PCDH15: variants seen among roughly 807,000 people sequenced by gnomAD.
The protein encoded by PCDH15 is protocadherin related 15.
A neutral mutation model predicts 178.5 loss-of-function variants in PCDH15; 129 were observed. The observed-to-expected ratio is 0.72, with a 90% CI of 0.63 to 0.84. The LOEUF (loss-of-function observed/expected upper bound fraction) is 0.84. PCDH15 is among the 40% of genes least tolerant of loss of function. PCDH15 has a pLI of 0.00. For synonymous variants in PCDH15, 800 were observed against 732.0 expected (o/e 1.09, Z -1.50); for missense variants, 2,230 against 2,099.9 (o/e 1.06, Z -1.21).
intron 3 of PCDH15, among the ~76,000 whole-genome samples, chr10:54,396,187 A>G (rs1390042049): frequency 6.6e-6 from 1 of 152,202 alleles, no homozygotes; most frequent in Non-Finnish European, 1.5e-5. Context: ...AGGAATCTAC[A>G]TTAACAAGCT....
At chr10:55,578,207 C>CTTATT (rs1190124285) in intron 2 of PCDH15, among the ~76,000 whole-genome samples, 4 of 151,382 alleles carry the variant, frequency 2.6e-5, no homozygotes, top group South Asian at 2.1e-4. Flanking sequence ...TTTTATTTAT[C>CTTATT]TTATTTTATT....
chr10:55,196,381 G>A (rs1470135240), intron 1 of PCDH15, among the ~76,000 whole-genome samples: 1 of 151,994 alleles, frequency 6.6e-6, no homozygotes. Context: ...TTTATATTCT[G>A]AACTCATCCT....
intron 2 of PCDH15, among the ~76,000 whole-genome samples, chr10:54,962,045 G>A (rs1451280195): frequency 6.6e-6 from 1 of 152,204 alleles, no homozygotes; most frequent in South Asian, 2.1e-4. Context: ...TCTCCACTTC[G>A]CTTACCCTCC....
intron 37 of PCDH15, chr10:53,808,495 TTTACTC>T (rs2075740488): frequency 5.0e-6 from 7 of 1,389,058 alleles, no homozygotes; most frequent in Non-Finnish European, 2.8e-6. Context: ...ATTAGTCAGT[TTTACTC>T]TAATACAGTC....
intron 2 of PCDH15, among the ~76,000 whole-genome samples, chr10:55,055,937 A>T (rs1591864022): frequency 6.6e-6 from 1 of 152,180 alleles, no homozygotes; most frequent in East Asian, 1.9e-4. Flanking sequence ...TAACTTAAAG[A>T]TAAGGAAAAT....
At position 54,046,285 on chromosome 10, in the gene PCDH15, CAT is replaced by C. The variant is rs2093653888; in HGVS notation, c.2220+20470_2220+20471del. ...CATTTCCAACAAAATTGAATAGACACATGTTCATAACATAGAGAAACTCAGGC... is the reference window on the plus strand; with the variant it reads ...CATTTCCAACAAAATTGAATAGACACGTTCATAACATAGAGAAACTCAGGC... On this transcript the variant is annotated intron_variant, in intron 18 of 37. Coordinates refer to ENST00000644397, the MANE Select transcript of PCDH15 (RefSeq NM_001384140.1). Among the ~76,000 whole-genome samples the C allele has an allele frequency of 9.2e-5, 14 of 152,264 alleles. 2 individuals are homozygous for C. In the South Asian group the frequency reaches 2.9e-3, roughly 32 times the overall value.
intron 2 of PCDH15, among the ~76,000 whole-genome samples, chr10:55,593,612 T>C (rs1564471428): frequency 6.6e-6 from 1 of 151,884 alleles, no homozygotes; most frequent in East Asian, 1.9e-4. Context: ...ACCTAAAATA[T>C]ATTAAGATTA....
chr10:55,242,464 T>C (rs904820468), intron 1 of PCDH15, among the ~76,000 whole-genome samples: 7 of 152,182 alleles, frequency 4.6e-5, no homozygotes, highest in African/African-American at 1.4e-4. Flanking sequence ...CATAAGAAAA[T>C]AGCCTTTTCT....
At chr10:54,518,494 C>T (rs867655772) in intron 3 of PCDH15, among the ~76,000 whole-genome samples, 3,453 of 152,030 alleles carry the variant, frequency 0.023, 125 homozygotes, top group African/African-American at 0.078. Context: ...ACATACACCC[C>T]CCCAAGACTA....
intron 25 of PCDH15, among the ~76,000 whole-genome samples, chr10:53,914,848 G>C (rs2083414491): frequency 1.3e-5 from 2 of 152,124 alleles, no homozygotes; most frequent in African/African-American, 4.8e-5. Flanking sequence ...TTTAACTTTA[G>C]GAAAATATTG....
chr10:55,249,312 A>G (rs933592302), intron 1 of PCDH15, among the ~76,000 whole-genome samples: 1 of 152,240 alleles, frequency 6.6e-6, no homozygotes, highest in African/African-American at 2.4e-5. Context: ...GGAATAAAAC[A>G]TAAATTAATA....
intron 35 of PCDH15, among the ~76,000 whole-genome samples, chr10:53,813,779 ATATAT>A (rs772035425): frequency 7.4e-4 from 112 of 152,298 alleles, no homozygotes; most frequent in Non-Finnish European, 1.3e-3. Flanking sequence ...TACCAACGAA[ATATAT>A]TATATCATTC....
At position 54,972,470 on chromosome 10, in the gene PCDH15, G is replaced by A. The variant is rs1838958783; in HGVS notation, c.-79-74970C>T. 2.0e-5 allele frequency among the ~76,000 whole-genome samples: 3 copies of A among 151,698 alleles called. No homozygotes were observed. The South Asian group carries it at 6.3e-4, about 32-fold the overall frequency. On this transcript the variant is annotated intron_variant, in intron 2 of 5. Coordinates refer to the PCDH15 transcript ENST00000458638. ...CAGGAGAATCGCTTGAACCTGGGAG[G>A]CGGAGGTTGTAGTGAGCTGAGATCG...
intron 21 of PCDH15, among the ~76,000 whole-genome samples, chr10:53,968,753 A>C (rs1208855708): frequency 6.6e-6 from 1 of 152,130 alleles, no homozygotes; most frequent in Admixed American, 6.5e-5. Context: ...TCTGGAGTGG[A>C]CCTCCAGCAA....
intron 1 of PCDH15, among the ~76,000 whole-genome samples, chr10:54,692,993 T>C (rs1043176061): frequency 6.6e-6 from 1 of 152,022 alleles, no homozygotes; most frequent in East Asian, 1.9e-4. Context: ...CCATGGTGGA[T>C]TGCTGCACCT....
intron 29 of PCDH15, among the ~76,000 whole-genome samples, chr10:53,831,843 T>G (rs2132642410): frequency 6.6e-6 from 1 of 152,200 alleles, no homozygotes; most frequent in African/African-American, 2.4e-5. Flanking sequence ...TTAACAACAT[T>G]TTAGATGGAA....
intron 1 of PCDH15, among the ~76,000 whole-genome samples, chr10:55,219,487 A>G (rs1424366776): frequency 6.6e-6 from 1 of 151,758 alleles, no homozygotes; most frequent in African/African-American, 2.4e-5. Flanking sequence ...TTTTTCTTGC[A>G]TACATCGTAT....
chr10:54,550,531 A>G (rs1443417343), intron 2 of PCDH15, among the ~76,000 whole-genome samples: 1 of 152,052 alleles, frequency 6.6e-6, no homozygotes, highest in African/African-American at 2.4e-5. Flanking sequence ...GCACACACAT[A>G]TACAATGTTT....
At chr10:55,094,947 T>TTTA in intron 2 of PCDH15, among the ~76,000 whole-genome samples, 1 of 150,910 alleles carries the variant, frequency 6.6e-6, no homozygotes, top group South Asian at 2.1e-4. Flanking sequence ...TTTTTTTTTT[T>TTTA]ATCTCACTGT....
Sources: gnomAD v4.1 joint callset for allele counts (sites outside exome capture counted in the v4.1 genomes callset) on GRCh38, gnomAD v4.1.1 for gene constraint, MANE v1.5 for transcripts, NCBI Gene and HGNC (gene_info 2026-07-23, HGNC 2026-07-21) for gene names.